PRKCA: variants seen among roughly 807,000 people sequenced by gnomAD.
PRKCA encodes protein kinase C alpha.
A neutral mutation model predicts 87.0 loss-of-function variants in PRKCA; 27 were observed. That is an observed-to-expected ratio of 0.31 (90% CI 0.23 to 0.43). The LOEUF (loss-of-function observed/expected upper bound fraction) is 0.43, where lower values mean the gene tolerates loss of function less well. Ranked by LOEUF, PRKCA falls within the 20% of genes least tolerant of loss-of-function variation. PRKCA has a pLI of 1.00. For missense variants in PRKCA, 518 were observed against 852.3 expected (o/e 0.61, Z 4.88); for synonymous variants, 329 against 311.1 (o/e 1.06, Z -0.61).
intron 3 of PRKCA, among the ~76,000 whole-genome samples, chr17:66,561,078 G>A (rs1455941173): frequency 6.6e-6 from 1 of 152,184 alleles, no homozygotes; most frequent in Non-Finnish European, 1.5e-5. Context: ...TGGGCCTGTG[G>A]AGAACCAGAG....
intron 15 of PRKCA, among the ~76,000 whole-genome samples, chr17:66,787,426 T>C (rs1362792159): frequency 6.6e-6 from 1 of 152,202 alleles, no homozygotes; most frequent in Non-Finnish European, 1.5e-5. Context: ...TGTACCGCAC[T>C]TTTCATTCTA....
intron 2 of PRKCA, among the ~76,000 whole-genome samples, chr17:66,360,815 G>A (rs540391241): frequency 5.9e-5 from 9 of 152,298 alleles, no homozygotes; most frequent in Admixed American, 1.3e-4. Context: ...ACAATTGAGC[G>A]GTGGGTGGTC....
At chr17:66,408,222 G>C (rs1289975853) in intron 2 of PRKCA, among the ~76,000 whole-genome samples, 1 of 152,198 alleles carries the variant, frequency 6.6e-6, no homozygotes, top group East Asian at 1.9e-4. Flanking sequence ...CTGAAATTTT[G>C]AAAGAAAGAA....
intron 1 of PRKCA, among the ~76,000 whole-genome samples, chr17:66,303,510 G>GA (rs1555579674): frequency 4.6e-5 from 7 of 151,722 alleles, no homozygotes; most frequent in African/African-American, 7.3e-5. Context: ...GGGTGGGGGG[G>GA]TTGTGTTTGT....
chr17:66,418,669 T>C (rs1912311073), intron 2 of PRKCA, among the ~76,000 whole-genome samples: 1 of 152,120 alleles, frequency 6.6e-6, no homozygotes. Flanking sequence ...TCTCCTGACC[T>C]CAAGTGATCT....
In PRKCA at chr17:66,538,741, T is replaced by C. The variant is rs534133920; in HGVS notation, c.288+42458T>C. Reference sequence around the variant, plus strand: ...TTCCAGTGATGGGCATTAGTGGCATTTGGGATTTGAGGATAACCTTCATAG... The same window carrying C: ...TTCCAGTGATGGGCATTAGTGGCATCTGGGATTTGAGGATAACCTTCATAG... On this transcript the variant is annotated intron_variant, in intron 3 of 16. Coordinates refer to ENST00000413366, the MANE Select transcript of PRKCA (RefSeq NM_002737.3). 2.6e-5 allele frequency among the ~76,000 whole-genome samples: 4 copies of C among 152,280 alleles called. No individual in the cohort carries two copies. The East Asian group carries it at 7.7e-4, about 29-fold the overall frequency.
chr17:66,768,600 C>T (rs1340813025), intron 13 of PRKCA, among the ~76,000 whole-genome samples: 1 of 152,096 alleles, frequency 6.6e-6, no homozygotes, highest in African/African-American at 2.4e-5. Flanking sequence ...ACAATCATGG[C>T]GGAAGGCAGA....
rs1425229503 is a variant in PRKCA, at chr17:66,698,856, C to CT, written c.918+9810dup. 2.7e-5 allele frequency among the ~76,000 whole-genome samples: 4 copies of CT among 150,594 alleles called. No individual in the cohort carries two copies. In the East Asian group the frequency reaches 7.8e-4, roughly 29 times the overall value. The stretch of plus-strand genomic sequence containing the variant: ...AAAAAATAGGTGTAGTGGTGCATGC[C>CT]TGTAGTGCCAGTACTCGGGAGGCTG... On this transcript the variant is annotated intron_variant, in intron 8 of 16. Coordinates refer to ENST00000413366, the MANE Select transcript of PRKCA (RefSeq NM_002737.3).
chr17:66,778,762 G>GC (rs1224810483), intron 14 of PRKCA, among the ~76,000 whole-genome samples: 1 of 150,856 alleles, frequency 6.6e-6, no homozygotes, highest in Admixed American at 6.6e-5. Flanking sequence ...GATTGATCGA[G>GC]CCCGGGGGGT....
At chr17:66,716,155 T>TG (rs1973467842) in intron 8 of PRKCA, among the ~76,000 whole-genome samples, 1 of 148,856 alleles carries the variant, frequency 6.7e-6, no homozygotes, top group Non-Finnish European at 1.5e-5. Flanking sequence ...CTCCCCGGGT[T>TG]TTTTTTTTTA....
At chr17:66,656,833 G>T (rs747317739) in intron 5 of PRKCA, among the ~76,000 whole-genome samples, 5 of 152,188 alleles carry the variant, frequency 3.3e-5, no homozygotes, top group Non-Finnish European at 7.3e-5. Flanking sequence ...CTTCAACGGT[G>T]GGTGGGTAGG....
intron 3 of PRKCA, among the ~76,000 whole-genome samples, chr17:66,637,051 A>G (rs894413449): frequency 2.6e-5 from 4 of 152,186 alleles, no homozygotes; most frequent in African/African-American, 7.2e-5. Context: ...CTGGTTCTCC[A>G]GACTTAGGCA....
chr17:66,319,333 C>T (rs1439633231), intron 2 of PRKCA, among the ~76,000 whole-genome samples: 1 of 152,084 alleles, frequency 6.6e-6, no homozygotes, highest in Admixed American at 6.6e-5. Context: ...AAATAGAAAG[C>T]ATTTGTGATT....
rs191635017 is a variant in PRKCA at position 66,606,605 on chromosome 17, T to A, written c.289-34750T>A. On this transcript the variant is annotated intron_variant, in intron 3 of 16. Coordinates refer to ENST00000413366, the MANE Select transcript of PRKCA (RefSeq NM_002737.3). ...AACAAAGATATTAAAATTAGAAAAA[T>A]AAAGTACTGTAATATTTCTCACATA... Among the ~76,000 whole-genome samples, 1,068 of 152,134 alleles carry A rather than the reference T, an allele frequency of 7.0e-3. 49 individuals are homozygous for A. The highest frequency in any genetic ancestry group is 0.062 in the Admixed American group (946 of 15,274).
intron 8 of PRKCA, among the ~76,000 whole-genome samples, chr17:66,727,913 C>T (rs530410522): frequency 2.0e-5 from 3 of 152,128 alleles, no homozygotes; most frequent in Non-Finnish European, 2.9e-5. Flanking sequence ...CCTCAGGCAT[C>T]CCCCACCCCC....
At chr17:66,801,416 G>T (rs1370642142) in intron 16 of PRKCA, among the ~76,000 whole-genome samples, 1 of 152,208 alleles carries the variant, frequency 6.6e-6, no homozygotes, top group African/African-American at 2.4e-5. Flanking sequence ...ATCCCTGGTT[G>T]AGAACCACTG....
intron 5 of PRKCA, among the ~76,000 whole-genome samples, chr17:66,651,081 C>CA (rs1412117774): frequency 6.6e-6 from 1 of 152,022 alleles, no homozygotes; most frequent in Non-Finnish European, 1.5e-5. Flanking sequence ...CAGCAGGTGA[C>CA]AGCTTCACAT....
chr17:66,577,123 G>A (rs80035084), intron 3 of PRKCA, among the ~76,000 whole-genome samples: 1,523 of 152,184 alleles, frequency 0.01, 29 homozygotes, highest in African/African-American at 0.034. Context: ...GCCTGCCTCT[G>A]CCTCTCAGAG....
At chr17:66,571,759 G>A (rs935835834) in intron 3 of PRKCA, among the ~76,000 whole-genome samples, 6 of 152,186 alleles carry the variant, frequency 3.9e-5, no homozygotes, top group Admixed American at 3.3e-4. Flanking sequence ...ACCTGAGTCC[G>A]TAGAGCAGAT....
Sources: gnomAD v4.1 joint callset for allele counts (sites outside exome capture counted in the v4.1 genomes callset) on GRCh38, gnomAD v4.1.1 for gene constraint, MANE v1.5 for transcripts, NCBI Gene and HGNC (gene_info 2026-07-23, HGNC 2026-07-21) for gene names.